Variants in MYO16 observed in about 807,000 individuals in gnomAD.
MYO16 encodes unconventional myosin-XVI.
MYO16 carries 94 observed loss-of-function variants against 205.3 expected under a neutral mutation model. That is an observed-to-expected ratio of 0.46 (90% confidence interval 0.39 to 0.54). MYO16 has a LOEUF of 0.54. Among genes scored for constraint, MYO16 ranks in the 20% least tolerant of loss-of-function variants. The pLI is 0.00. For synonymous variants in MYO16, 988 were observed against 954.0 expected (o/e 1.04, Z -0.66); for missense variants, 2,315 against 2,387.5 (o/e 0.97, Z 0.63).
rs1158879237 is a variant in MYO16 at position 108,972,249 on chromosome 13, C to CTATATATATATATATATA, written c.2369+7361_2369+7378dup. 6.3e-3 allele frequency among the ~76,000 whole-genome samples: 18 copies of CTATATATATATATATATA among 2,850 alleles called. 4 individuals are homozygous for CTATATATATATATATATA. The highest frequency in any genetic ancestry group is 8.3e-3 in the Non-Finnish European group (14 of 1,696). The allele number at this position is 2,850 out of a possible 152,430, so 1.9% of individuals were successfully genotyped here. ...TCTCTCTCTCTCTCTCTCTCTCTCTCTATATATATATATATATATATATAT... is the reference window on the plus strand; with the variant it reads ...TCTCTCTCTCTCTCTCTCTCTCTCTCTATATATATATATATATATATATATATATATATATATATATAT... On this transcript the variant is annotated intron_variant, in intron 20 of 34. Transcript: ENST00000457511.
intron 23 of MYO16, among the ~76,000 whole-genome samples, chr13:109,040,301 C>G (rs925787045): frequency 6.6e-6 from 1 of 151,352 alleles, no homozygotes; most frequent in African/African-American, 2.4e-5. Context: ...AAAGAATACT[C>G]TCTAATTCAT....
chr13:108,518,317 G>A, the MYO16 span, among the ~76,000 whole-genome samples: 1 of 152,146 alleles, frequency 6.6e-6, no homozygotes, highest in Non-Finnish European at 1.5e-5. Context: ...ACATAAATTG[G>A]ATTCTAATAA....
rs1211823699 is a variant in MYO16, at chr13:109,140,966, G to C, written c.4754G>C (p.Gly1585Ala). Reference sequence around the variant, plus strand: ...TCCCCCGGCCTGGCGCTGTTCAACGGGTCCGGCCGAGCCTCCCCGCCGTCC... The same window carrying C: ...TCCCCCGGCCTGGCGCTGTTCAACGCGTCCGGCCGAGCCTCCCCGCCGTCC... ...PASPGLALFN[G>A]SGRASPPSTP... The change falls in exon 32 of 35, where the codon GGG becomes GCG. Residue 1585 changes from glycine (G) to alanine (A), a missense_variant. Around this residue, in one of 3 missense-constraint regions of MYO16, gnomAD observed 1,097 missense variants for 1,092.0 expected, o/e 1.00. Coordinates refer to ENST00000457511, the MANE Select transcript of MYO16 (RefSeq NM_001198950.3). The surrounding 1 kb of genome is among the most constrained non-coding windows in gnomAD (Gnocchi z 8.0). 4 of 1,466,570 alleles carry C rather than the reference G, an allele frequency of 2.7e-6. No homozygotes were observed. In the Admixed American group the frequency reaches 9.4e-5, roughly 34 times the overall value. 90.8% of individuals were successfully genotyped at this position (1,466,570 alleles called of 1,614,324 possible). A position where few individuals can be genotyped will look rare whatever the true frequency, so the allele number is the denominator to read the frequency against.
At chr13:109,093,199 CAGACTG>C (rs1473788684) in intron 27 of MYO16, among the ~76,000 whole-genome samples, 1 of 152,132 alleles carries the variant, frequency 6.6e-6, no homozygotes, top group African/African-American at 2.4e-5. Context: ...ACTTAGGATG[CAGACTG>C]ACAAGAAGAA....
chr13:108,832,559 A>G, intron 9 of MYO16, among the ~76,000 whole-genome samples: 1 of 150,832 alleles, frequency 6.6e-6, no homozygotes, highest in African/African-American at 2.4e-5. Flanking sequence ...TTTCCCCAGC[A>G]TGATGATGAA....
intron 20 of MYO16, among the ~76,000 whole-genome samples, chr13:108,981,716 T>C (rs1884453164): frequency 6.6e-6 from 1 of 152,238 alleles, no homozygotes; most frequent in Non-Finnish European, 1.5e-5. Flanking sequence ...ACACACACGA[T>C]TATGAACAAT....
At chr13:108,828,879 A>C (rs1876439891) in intron 9 of MYO16, among the ~76,000 whole-genome samples, 1 of 152,216 alleles carries the variant, frequency 6.6e-6, no homozygotes. Context: ...GAGGGGGCTC[A>C]GAAGCTCTGC....
At chr13:109,047,222 T>C (rs908776346) in intron 24 of MYO16, among the ~76,000 whole-genome samples, 1 of 152,176 alleles carries the variant, frequency 6.6e-6, no homozygotes, top group Non-Finnish European at 1.5e-5. Context: ...TTTTAGCAGA[T>C]AGAAATGTAA....
chr13:108,510,474 T>TTG, the MYO16 span, among the ~76,000 whole-genome samples: 3 of 131,372 alleles, frequency 2.3e-5, no homozygotes, highest in African/African-American at 8.7e-5. Flanking sequence ...TTTTTTTTTT[T>TTG]TTTTTTTTTT....
chr13:108,878,021 G>A (rs189397300), intron 12 of MYO16, among the ~76,000 whole-genome samples: 2 of 152,216 alleles, frequency 1.3e-5, no homozygotes, highest in Admixed American at 6.5e-5. Flanking sequence ...ATCAACACTT[G>A]TTTTCTTTAC....
At chr13:109,193,735 T>TTCC (rs1880027467) in intron 34 of MYO16, among the ~76,000 whole-genome samples, 1 of 152,170 alleles carries the variant, frequency 6.6e-6, no homozygotes, top group Non-Finnish European at 1.5e-5. Flanking sequence ...GACGCTTGTT[T>TTCC]TCCTCACCTT....
At chr13:108,895,577 T>C (rs993235374) in intron 14 of MYO16, among the ~76,000 whole-genome samples, 2 of 152,230 alleles carry the variant, frequency 1.3e-5, no homozygotes, top group African/African-American at 4.8e-5. Context: ...TATGTCTTTA[T>C]TGGTATTTCA....
At chr13:108,820,107 A>G (rs778763191) in intron 7 of MYO16, among the ~76,000 whole-genome samples, 18 of 152,228 alleles carry the variant, frequency 1.2e-4, no homozygotes, top group Non-Finnish European at 2.1e-4. Flanking sequence ...CAGTGATTAA[A>G]TCCTTATTGG....
intron 20 of MYO16, among the ~76,000 whole-genome samples, chr13:108,972,249 C>CTCTCTCTCTCTCTATATATATATATA (rs1178345437): frequency 3.5e-4 from 1 of 2,848 alleles, no homozygotes; most frequent in Non-Finnish European, 5.9e-4. Flanking sequence ...CTCTCTCTCT[C>CTCTCTCTCTCTCTATATATATATATA]TATATATATA....
intron 27 of MYO16, among the ~76,000 whole-genome samples, chr13:109,089,940 G>A (rs559390768): frequency 5.9e-5 from 9 of 152,186 alleles, no homozygotes; most frequent in Non-Finnish European, 1.0e-4. Flanking sequence ...CAGACTGCAA[G>A]AGAGACCTCC....
the MYO16 span, among the ~76,000 whole-genome samples, chr13:108,544,024 C>T: frequency 2.2e-5 from 3 of 133,630 alleles, no homozygotes; most frequent in Admixed American, 2.5e-4. Flanking sequence ...GAGATCGCAC[C>T]ATTGCACTCC....
chr13:109,063,230 C>G (rs1369923081), intron 27 of MYO16, among the ~76,000 whole-genome samples: 1 of 152,028 alleles, frequency 6.6e-6, no homozygotes, highest in East Asian at 1.9e-4. Flanking sequence ...ACTGGAGGAT[C>G]GCTTTAGTTG....
At chr13:108,870,096 T>G (rs1878974827) in intron 12 of MYO16, among the ~76,000 whole-genome samples, 1 of 151,930 alleles carries the variant, frequency 6.6e-6, no homozygotes, top group Admixed American at 6.6e-5. Flanking sequence ...AAATTTCATT[T>G]TATTGCTGTT....
chr13:108,798,826 C>T (rs1454315113), intron 6 of MYO16, among the ~76,000 whole-genome samples: 1 of 147,614 alleles, frequency 6.8e-6, no homozygotes, highest in Non-Finnish European at 1.5e-5. Context: ...CTGCCTCAGC[C>T]TCCCGAGTAG....
Sources: gnomAD v4.1 joint callset for allele counts (sites outside exome capture counted in the v4.1 genomes callset) on GRCh38, gnomAD v4.1.1 for gene constraint, gnomAD v4.1.1 regional missense constraint, Gnocchi (gnomAD v3.1) non-coding constraint, MANE v1.5 for transcripts, NCBI Gene and HGNC (gene_info 2026-07-23, HGNC 2026-07-21) for gene names.